SMOC2: variants seen among roughly 807,000 people sequenced by gnomAD.
SMOC2 encodes SPARC related modular calcium binding 2, also known as SPARC-related modular calcium-binding protein 2.
A neutral mutation model predicts 61.4 loss-of-function variants in SMOC2; 39 were observed. That is an observed-to-expected ratio of 0.64 (90% CI 0.49 to 0.83). The LOEUF (loss-of-function observed/expected upper bound fraction) is 0.83. Ranked by LOEUF, SMOC2 falls within the 40% of genes least tolerant of loss-of-function variation. The pLI, the probability that SMOC2 is intolerant of heterozygous loss-of-function variation, is 0.00. For synonymous variants in SMOC2, 247 were observed against 239.9 expected (o/e 1.03, Z -0.27); for missense variants, 556 against 592.9 (o/e 0.94, Z 0.65).
intron 1 of SMOC2, among the ~76,000 whole-genome samples, chr6:168,464,872 C>T (rs2115006930): frequency 6.6e-6 from 1 of 152,334 alleles, no homozygotes; most frequent in Middle Eastern, 3.4e-3. Flanking sequence ...TGCAGAAGTG[C>T]CCTGGAAACC....
intron 8 of SMOC2, among the ~76,000 whole-genome samples, chr6:168,606,200 G>A (rs923842667): frequency 3.9e-5 from 6 of 152,282 alleles, no homozygotes; most frequent in African/African-American, 1.4e-4. Context: ...TGCATTAGGA[G>A]ACACCTGGCT....
At chr6:168,586,157 A>T (rs145747198) in intron 7 of SMOC2, among the ~76,000 whole-genome samples, 91 of 152,128 alleles carry the variant, frequency 6.0e-4, no homozygotes, top group African/African-American at 2.1e-3. Context: ...TCTCAAATAA[A>T]TTTGTGTGTG....
intron 7 of SMOC2, among the ~76,000 whole-genome samples, chr6:168,575,967 G>A (rs937600802): frequency 6.6e-6 from 1 of 152,236 alleles, no homozygotes; most frequent in Non-Finnish European, 1.5e-5. Context: ...CTGGCAGGAG[G>A]CAGCCCGCCA....
In SMOC2 at chr6:168,599,581, A is replaced by ACACACACCCACATACCCC. The variant is rs1554247836; in HGVS notation, c.824+589_824+590insTACCCCCACACACCCACA. ...CCCCATACACACCCACACTCATACC[A>ACACACACCCACATACCCC]CACACACCCACACATACCCCCACAC... On this transcript the variant is annotated intron_variant, in intron 8 of 12. Coordinates refer to ENST00000356284, the MANE Select transcript of SMOC2 (RefSeq NM_001166412.2). Among the ~76,000 whole-genome samples, 176 of 31,650 alleles carry ACACACACCCACATACCCC rather than the reference A, an allele frequency of 5.6e-3. 6 individuals carry two copies. The highest frequency in any genetic ancestry group is 0.042 in the South Asian group (20 of 476). 20.8% of individuals were successfully genotyped at this position (31,650 alleles called of 152,430 possible).
Position 168,568,617 on chromosome 6 carries a change from C to T in SMOC2, c.637+19414C>T, listed in dbSNP as rs184863359. Among the ~76,000 whole-genome samples, 495 of 152,190 alleles carry T rather than the reference C, an allele frequency of 3.3e-3. 1 individual carries two copies. The highest frequency in any genetic ancestry group is 5.8e-3 in the Non-Finnish European group (394 of 68,000). ...CCTGAAAACCTAGAGTGACGTGTACCCACCATCATGGTATCATATAGAGTT... is the reference window on the plus strand; with the variant it reads ...CCTGAAAACCTAGAGTGACGTGTACTCACCATCATGGTATCATATAGAGTT... On this transcript the variant is annotated intron_variant, in intron 7 of 12. Transcript: ENST00000356284.
At chr6:168,660,872 T>C (rs73244559) in intron 11 of SMOC2, among the ~76,000 whole-genome samples, 14,578 of 152,286 alleles carry the variant, frequency 0.096, 1,190 homozygotes, top group African/African-American at 0.22. Context: ...CTGATGCCAT[T>C]GTCTTAGGTG....
intron 9 of SMOC2, among the ~76,000 whole-genome samples, chr6:168,619,939 G>C (rs1342613708): frequency 1.3e-5 from 2 of 152,230 alleles, no homozygotes; most frequent in East Asian, 3.9e-4. Context: ...TGGTCACTGT[G>C]CTCCGGCAGG....
intron 1 of SMOC2, among the ~76,000 whole-genome samples, chr6:168,494,862 C>T (rs1385666725): frequency 2.0e-5 from 3 of 152,336 alleles, no homozygotes; most frequent in African/African-American, 7.2e-5. Context: ...TGTCTAAGTG[C>T]ACTGGGCCTG....
intron 7 of SMOC2, among the ~76,000 whole-genome samples, chr6:168,582,243 T>C (rs114917359): frequency 0.31 from 46,721 of 151,846 alleles, 7,298 homozygotes; most frequent in African/African-American, 0.35. Context: ...TGAAGGGATG[T>C]CATGGATTGG....
intron 1 of SMOC2, among the ~76,000 whole-genome samples, chr6:168,461,810 C>T (rs755661503): frequency 3.9e-5 from 6 of 152,156 alleles, no homozygotes; most frequent in Non-Finnish European, 8.8e-5. Flanking sequence ...ATTTCCCTAC[C>T]CATATTGTTA....
At chr6:168,531,404 G>A (rs947959444) in intron 4 of SMOC2, among the ~76,000 whole-genome samples, 2 of 152,238 alleles carry the variant, frequency 1.3e-5, no homozygotes, top group African/African-American at 2.4e-5. Context: ...GGTAACGCAG[G>A]CTGAATTCTC....
chr6:168,554,171 C>T (rs1784193102), intron 7 of SMOC2, among the ~76,000 whole-genome samples: 1 of 152,252 alleles, frequency 6.6e-6, no homozygotes, highest in Non-Finnish European at 1.5e-5. Flanking sequence ...CAGGTATCCG[C>T]ATCTGTCACG....
intron 9 of SMOC2, among the ~76,000 whole-genome samples, chr6:168,625,822 G>A (rs1239431336): frequency 1.3e-5 from 2 of 152,224 alleles, no homozygotes; most frequent in African/African-American, 2.4e-5. Context: ...CGCTGAGCCA[G>A]GAAGGCCGGC....
At chr6:168,529,179 A>G (rs993718077) in intron 4 of SMOC2, among the ~76,000 whole-genome samples, 7 of 152,250 alleles carry the variant, frequency 4.6e-5, no homozygotes, top group African/African-American at 1.2e-4. Context: ...ACTAGGTCTC[A>G]GTATCATCTC....
intron 1 of SMOC2, among the ~76,000 whole-genome samples, chr6:168,502,515 C>T (rs1376227467): frequency 2.0e-5 from 3 of 152,182 alleles, no homozygotes; most frequent in Admixed American, 6.5e-5. Context: ...AAATTCATCT[C>T]ATTCAATTGT....
intron 8 of SMOC2, among the ~76,000 whole-genome samples, chr6:168,607,224 G>A (rs1003320041): frequency 1.3e-4 from 20 of 152,040 alleles, no homozygotes; most frequent in African/African-American, 3.6e-4. Context: ...ATGGTGGCCC[G>A]CACTCTGTTT....
chr6:168,619,539 C>T (rs1006892899), intron 9 of SMOC2, among the ~76,000 whole-genome samples: 5 of 152,174 alleles, frequency 3.3e-5, no homozygotes, highest in East Asian at 1.9e-4. Context: ...CTTCCAAGTA[C>T]GGTATACACT....
rs1787243397 is a variant in SMOC2, at chr6:168,653,229, G to A, written c.1285+1G>A. Reference sequence around the variant, plus strand: ...AAAGCGGACACCAAGAAACGCCACAGTAAGAGCTTTCCCACCCCCGACCCT... The same window carrying A: ...AAAGCGGACACCAAGAAACGCCACAATAAGAGCTTTCCCACCCCCGACCCT... On this transcript the variant is annotated splice_donor_variant, in intron 11 of 12. Transcript: ENST00000356284. LOFTEE classifies it high-confidence loss of function. The A allele has an allele frequency of 6.2e-7, 1 of 1,610,688 alleles. No individual in the cohort carries two copies.
At position 168,441,588 on chromosome 6, in the gene SMOC2, C is replaced by A; in HGVS notation, c.84+134C>A. On this transcript the variant is annotated intron_variant, in intron 1 of 12. Transcript: ENST00000356284. ...GCAGGTGGCCCCGGGGGCCGTGGAGCCTTCGCCTGCCGGCGAGGCTGGAGC... is the reference window on the plus strand; with the variant it reads ...GCAGGTGGCCCCGGGGGCCGTGGAGACTTCGCCTGCCGGCGAGGCTGGAGC... 2.4e-6 allele frequency: 3 copies of A among 1,237,398 alleles called. No homozygotes were observed. The South Asian group carries it at 6.3e-5, about 26-fold the overall frequency. The allele number at this position is 1,237,398 out of a possible 1,614,324, so 76.7% of individuals were successfully genotyped here.
Sources: allele counts gnomAD v4.1 joint callset (sites outside exome capture counted in the v4.1 genomes callset), GRCh38; gene constraint gnomAD v4.1.1; transcripts MANE v1.5; gene names NCBI Gene and HGNC (gene_info 2026-07-23, HGNC 2026-07-21).